MTURN: variants seen among roughly 807,000 people sequenced by gnomAD.
MTURN encodes the protein maturin.
MTURN carries 7 observed loss-of-function variants against 14.9 expected under a neutral mutation model. The ratio of observed to expected loss-of-function variants is 0.47; its 90% CI spans 0.27 to 0.88. MTURN has a LOEUF of 0.88. MTURN is among the 40% of genes least tolerant of loss of function. The pLI is 0.14. For missense variants in MTURN, 151 were observed against 174.1 expected (o/e 0.87, Z 0.75); for synonymous variants, 69 against 72.5 (o/e 0.95, Z 0.25).
rs1266831589 is a variant in MTURN, at chr7:30,157,503, G to A, written c.351G>A (p.Glu117=). Residue 117 remains glutamate (E), a synonymous_variant, in exon 3 of 3, where the codon GAG becomes GAA. Coordinates refer to ENST00000324453, the MANE Select transcript of MTURN (RefSeq NM_152793.3). ...FEEYSADVEE[E]EPEADHPQMG... is the part of the protein sequence containing the mutation. Reference sequence around the variant, plus strand: ...AGTACAGTGCTGACGTGGAAGAAGAGGAGCCAGAGGCGGACCACCCCCAGA... The same window carrying A: ...AGTACAGTGCTGACGTGGAAGAAGAAGAGCCAGAGGCGGACCACCCCCAGA... The A allele has an allele frequency of 3.7e-6, 6 of 1,606,058 alleles. No individual in the cohort carries two copies. The highest frequency in any genetic ancestry group is 1.7e-5 in the Admixed American group (1 of 58,628).
Position 30,160,858 on chromosome 7 carries a change from T to TCAGGTGTC in MTURN, c.*3313_*3320dup, listed in dbSNP as rs1454764199. The TCAGGTGTC allele has an allele frequency of 6.6e-6, 1 of 152,384 alleles. No homozygotes were observed. The highest frequency in any genetic ancestry group is 2.4e-5 in the African/African-American group (1 of 41,438). The allele number at this position is 152,384 out of a possible 1,614,324, so 9.4% of individuals were successfully genotyped here. ...GTCACCACTGTGGATTCACCTGCAC[T>TCAGGTGTC]CAGGTGTCCACTCCTGTCTCCCAGG... is the stretch of plus-strand genomic sequence containing the variant. On this transcript the variant is annotated 3_prime_UTR_variant, in exon 3 of 3. Coordinates refer to ENST00000324453, the MANE Select transcript of MTURN (RefSeq NM_152793.3).
chr7:30,143,201 C>T (rs546028770), intron 1 of MTURN, among the ~76,000 whole-genome samples: 7 of 152,226 alleles, frequency 4.6e-5, no homozygotes, highest in East Asian at 1.9e-4. Context: ...GTGGACACTA[C>T]CTCGTGAGAT....
chr7:30,143,428 G>A lies in MTURN; in HGVS notation c.163-2749G>A, dbSNP rs75214187. Among the ~76,000 whole-genome samples the A allele has an allele frequency of 5.4e-3, 804 of 149,726 alleles. 7 individuals are homozygous for A. The highest frequency in any genetic ancestry group is 0.018 in the African/African-American group (737 of 40,522). On this transcript the variant is annotated intron_variant, in intron 1 of 2. Transcript: ENST00000324453. ...GTCTTGTATCTCGTGATACCTTGCC[G>A]GCTGCCTTGATTCATTTTGAAAGGA...
chr7:30,148,587 C>T (rs747761679), intron 2 of MTURN, among the ~76,000 whole-genome samples: 7 of 152,138 alleles, frequency 4.6e-5, no homozygotes, highest in Admixed American at 3.3e-4. Context: ...TGGACTGGGA[C>T]GGTCACGGCA....
Position 30,146,164 on chromosome 7 carries a change from C to T in MTURN, c.163-13C>T, listed in dbSNP as rs534513199. 1.5e-5 allele frequency: 25 copies of T among 1,613,532 alleles called. No individual in the cohort carries two copies. The highest frequency in any genetic ancestry group is 5.5e-5 in the South Asian group (5 of 91,078). ...GTCTTTGTTTTCTCCTTCCGTCGCC[C>T]GTGGGCACGCAGCACGTGTGGAGTG... On this transcript the variant is annotated splice_polypyrimidine_tract_variant and intron_variant, in intron 1 of 2. Coordinates refer to ENST00000324453, the MANE Select transcript of MTURN (RefSeq NM_152793.3).
intron 1 of MTURN, among the ~76,000 whole-genome samples, chr7:30,141,881 G>A (rs931567386): frequency 6.6e-6 from 1 of 152,120 alleles, no homozygotes; most frequent in African/African-American, 2.4e-5. Flanking sequence ...GGTACCGAGT[G>A]GCAGAAAACC....
At chr7:30,136,636 C>A (rs906150802) in intron 1 of MTURN, among the ~76,000 whole-genome samples, 1 of 152,052 alleles carries the variant, frequency 6.6e-6, no homozygotes, top group African/African-American at 2.4e-5. Flanking sequence ...TAAAGCATTC[C>A]CTCCGCCCAC....
chr7:30,135,494 G>A (rs920892030), intron 1 of MTURN, among the ~76,000 whole-genome samples, 196 bp downstream of exon 1: 2 of 151,472 alleles, frequency 1.3e-5, no homozygotes, highest in Non-Finnish European at 2.9e-5. Flanking sequence ...GGTGGGGCCC[G>A]GTGGGCGGCG....
At chr7:30,148,869 C>T (rs1797166264) in intron 2 of MTURN, among the ~76,000 whole-genome samples, 1 of 152,182 alleles carries the variant, frequency 6.6e-6, no homozygotes, top group Non-Finnish European at 1.5e-5. Context: ...AGGGAGATCA[C>T]ATTAGGCAAA....
chr7:30,158,077 T>C lies in MTURN; in HGVS notation c.*529T>C, dbSNP rs1232984708. ...GTGCAAATACAAGGGCAGGAAAGGA[T>C]AATCACTTAGCTTTGGACTAAGAGG... is the stretch of plus-strand genomic sequence containing the variant. On this transcript the variant is annotated 3_prime_UTR_variant, in exon 3 of 3. Transcript: ENST00000324453. The C allele has an allele frequency of 6.6e-6, 1 of 152,448 alleles. No homozygotes were observed. Among genetic ancestry groups the C allele is most frequent in the Admixed American group, 6.5e-5 (1 of 15,290 alleles). The allele number at this position is 152,448 out of a possible 1,614,324, so 9.4% of individuals were successfully genotyped here. A position where few individuals can be genotyped will look rare whatever the true frequency, so the allele number is the denominator to read the frequency against.
chr7:30,138,577 C>T (rs1301948690), intron 1 of MTURN, among the ~76,000 whole-genome samples: 1 of 152,054 alleles, frequency 6.6e-6, no homozygotes, highest in African/African-American at 2.4e-5. Context: ...TTATAACCTC[C>T]ACCTCACTCT....
At chr7:30,135,820 A>G (rs921509450) in intron 1 of MTURN, among the ~76,000 whole-genome samples, 2 of 152,006 alleles carry the variant, frequency 1.3e-5, no homozygotes, top group Non-Finnish European at 2.9e-5. Flanking sequence ...TCCCGGGAGA[A>G]CCCCACTCCC....
chr7:30,147,450 T>G (rs1472627327), intron 2 of MTURN, among the ~76,000 whole-genome samples: 1 of 152,200 alleles, frequency 6.6e-6, no homozygotes, highest in African/African-American at 2.4e-5. Flanking sequence ...GGGTCTGGCC[T>G]CCTGTGCCTC....
intron 2 of MTURN, among the ~76,000 whole-genome samples, chr7:30,156,589 A>G (rs6951735): frequency 0.98 from 149,564 of 152,268 alleles, 73,511 homozygotes; most frequent in Middle Eastern, 1. Context: ...CACTTTGGGA[A>G]GCTGAGGCAG....
In MTURN at chr7:30,149,608, C is replaced by G. The variant is rs570143712; in HGVS notation, c.285+3309C>G. 8.5e-5 allele frequency among the ~76,000 whole-genome samples: 13 copies of G among 152,298 alleles called. 1 individual carries two copies. The South Asian group carries it at 2.7e-3, about 32-fold the overall frequency. Reference sequence around the variant, plus strand: ...CTCTCCACCTCCACCAAATAGAGCACTGCTTCCCAATGGCACCATTTATCT... The same window carrying G: ...CTCTCCACCTCCACCAAATAGAGCAGTGCTTCCCAATGGCACCATTTATCT... On this transcript the variant is annotated intron_variant, in intron 2 of 2. Coordinates refer to ENST00000324453, the MANE Select transcript of MTURN (RefSeq NM_152793.3).
At chr7:30,153,379 C>A (rs1336887933) in intron 2 of MTURN, among the ~76,000 whole-genome samples, 1 of 152,158 alleles carries the variant, frequency 6.6e-6, no homozygotes, top group Admixed American at 6.5e-5. Flanking sequence ...TAGACATTAG[C>A]ATTTCATATT....
At chr7:30,148,067 C>T (rs529915614) in intron 2 of MTURN, among the ~76,000 whole-genome samples, 1 of 152,058 alleles carries the variant, frequency 6.6e-6, no homozygotes, top group Non-Finnish European at 1.5e-5. Context: ...CAAGGACACA[C>T]GTAATGTCGT....
intron 1 of MTURN, 132 bp from the exon 2 acceptor site, chr7:30,146,045 A>G: frequency 6.3e-7 from 1 of 1,588,552 alleles, no homozygotes; most frequent in Non-Finnish European, 8.6e-7. Flanking sequence ...GCATGTATGA[A>G]TTTTACTGTA....
intron 1 of MTURN, among the ~76,000 whole-genome samples, chr7:30,140,543 T>C (rs1175937767): frequency 3.9e-5 from 6 of 152,170 alleles, no homozygotes; most frequent in Non-Finnish European, 4.4e-5. Flanking sequence ...GCTGGTATAG[T>C]GGAGAGAAAG....
Sources: gnomAD v4.1 joint callset for allele counts (sites outside exome capture counted in the v4.1 genomes callset) on GRCh38, gnomAD v4.1.1 for gene constraint, MANE v1.5 for transcripts, NCBI Gene and HGNC (gene_info 2026-07-23, HGNC 2026-07-21) for gene names.